Variants in BRD9 observed in about 807,000 individuals in gnomAD.
The protein encoded by BRD9 is bromodomain containing 9, also known as bromodomain-containing protein 9.
In BRD9, 47 loss-of-function variants were observed where a neutral mutation model predicts 68.7. That is an observed-to-expected ratio of 0.68 (90% CI 0.54 to 0.87). The LOEUF (loss-of-function observed/expected upper bound fraction) is 0.87. Among genes scored for constraint, BRD9 ranks in the 40% least tolerant of loss-of-function variants. The probability of loss-of-function intolerance (pLI) is 0.00; values close to 1 mark genes in which losing one functional copy is unlikely to be tolerated. For synonymous variants in BRD9, 313 were observed against 293.9 expected, an observed-to-expected ratio of 1.06 and a Z score of -0.67; for missense variants, 670 against 748.4, an observed-to-expected ratio of 0.90 and a Z score of 1.22.
intron 1 of BRD9, chr5:892,205 C>G: frequency 2.3e-6 from 1 of 432,786 alleles, no homozygotes; most frequent in Non-Finnish European, 4.1e-6. Flanking sequence ...TTCACCCTCG[C>G]CTGACTTCCT....
intron 14 of BRD9, among the ~76,000 whole-genome samples, chr5:867,684 G>T (rs1236754580): frequency 6.6e-5 from 10 of 152,262 alleles, no homozygotes; most frequent in African/African-American, 2.4e-4. Context: ...GTAGCCTGCT[G>T]CCCCTTTGTT....
chr5:875,088 TAAAG>T (rs1560902605), intron 12 of BRD9, among the ~76,000 whole-genome samples: 1 of 152,140 alleles, frequency 6.6e-6, no homozygotes, highest in Non-Finnish European at 1.5e-5. Context: ...AAATCACTGA[TAAAG>T]AAAGATAAAA....
chr5:878,478 A>C lies in BRD9; in HGVS notation c.1148T>G (p.Leu383Arg). The part of the protein sequence containing the change: ...KDERRNKVTF[L>R]SSATTALSMQ... ...CGAAAGCGCAGTAGTGGCACTGGAG[A>C]GAAAGGTGACTGGGAGGAAGAGGAG... is the stretch of plus-strand genomic sequence containing the variant. The change falls in exon 11 of 16, where the codon CTC (leucine) becomes CGC (arginine). Residue 383 changes from leucine (L) to arginine (R), a missense_variant. By Grantham distance (102) the Leu-to-Arg change is moderately radical. Around this residue, in one of 5 missense-constraint regions of BRD9, gnomAD observed 280 missense variants for 281.5 expected, o/e 0.99. Coordinates refer to ENST00000467963, the MANE Select transcript of BRD9 (RefSeq NM_023924.5). The C allele has an allele frequency of 6.2e-7, 1 of 1,614,190 alleles. No homozygotes were observed. Among genetic ancestry groups the C allele is most frequent in the Non-Finnish European group, 8.5e-7 (1 of 1,180,052 alleles).
At chr5:869,252 T>A (rs1749793272) in intron 14 of BRD9, 2 of 453,730 alleles carry the variant, frequency 4.4e-6, no homozygotes, top group African/African-American at 4.0e-5. Context: ...TGCCTCATTA[T>A]CCCCTCTTTT....
chr5:892,334 A>C, intron 1 of BRD9: 1 of 701,256 alleles, frequency 1.4e-6, no homozygotes. Context: ...AAAAGCCAGC[A>C]CAGATGCTTC....
chr5:884,045 C>T lies in BRD9; in HGVS notation c.859G>A (p.Ala287Thr). The stretch of plus-strand genomic sequence containing the variant: ...GCGGTACTGTCCGTCAAGCTGCAGG[C>T]ATTCCCTTCAGGCTCAAACATGCAG... Reference protein sequence around the residue: ...ISCMFEPEGNACSLTDSTAEE... With the variant: ...ISCMFEPEGNTCSLTDSTAEE... The change falls in exon 8 of 16, where the codon GCC (alanine) becomes ACC (threonine). Residue 287 changes from alanine (A) to threonine (T), a missense_variant. Transcript: ENST00000467963. The T allele has an allele frequency of 5.0e-6, 8 of 1,613,760 alleles. No individual in the cohort carries two copies. Among genetic ancestry groups the T allele is most frequent in the Non-Finnish European group, 6.8e-6 (8 of 1,180,036 alleles).
intron 5 of BRD9, 22 bp from the exon 6 acceptor site, chr5:887,493 C>G: frequency 6.3e-7 from 1 of 1,584,582 alleles, no homozygotes. Flanking sequence ...ACAGGAAAGA[C>G]TTATCAGGTT....
Position 892,643 on chromosome 5 carries a change from G to A in BRD9, c.15C>T (p.His5=). The A allele has an allele frequency of 6.7e-7, 1 of 1,487,528 alleles. No individual in the cohort carries two copies. Among genetic ancestry groups the A allele is most frequent in the South Asian group, 1.3e-5 (1 of 77,922 alleles). The allele number at this position is 1,487,528 out of a possible 1,614,324, so 92.1% of individuals were successfully genotyped here. Residue 5 remains histidine (H), a synonymous_variant, in exon 1 of 16, where the codon CAC becomes CAT. Transcript: ENST00000467963. ...AGCGCCACTCGGCCTTGTGCTTCTT[G>A]TGCTTCTTGCCCATGGCGGCGCCGG... is the stretch of plus-strand genomic sequence containing the variant. MGKK[H]KKHKAEWRSS...
intron 3 of BRD9, 151 bp downstream of exon 3, chr5:891,004 T>A (rs1322805057): frequency 1.0e-6 from 1 of 984,280 alleles, no homozygotes; most frequent in African/African-American, 1.7e-5. Flanking sequence ...GGAGGAAACC[T>A]CAGGCCAGAG....
rs982081798 is a variant in BRD9, at chr5:892,659, GCGGCGC to G, written c.-8_-3del. 2.5e-5 allele frequency: 35 copies of G among 1,418,076 alleles called. No individual in the cohort carries two copies. In the African/African-American group the frequency reaches 4.5e-4, roughly 18 times the overall value. 87.8% of individuals were successfully genotyped at this position (1,418,076 alleles called of 1,614,324 possible). On this transcript the variant is annotated 5_prime_UTR_variant, in exon 1 of 16. Transcript: ENST00000467963. The stretch of plus-strand genomic sequence containing the variant: ...GTGCTTCTTGTGCTTCTTGCCCATG[GCGGCGC>G]CGGCGGCGGGCCCGAGGCGGGGGCT...
At chr5:875,378 G>A (rs1421252929) in intron 12 of BRD9, among the ~76,000 whole-genome samples, 1 of 150,206 alleles carries the variant, frequency 6.7e-6, no homozygotes, top group Non-Finnish European at 1.5e-5. Context: ...GATGGGGTCT[G>A]GCTCTGTGGC....
intron 11 of BRD9, among the ~76,000 whole-genome samples, chr5:877,242 C>T (rs1751087805): frequency 6.6e-6 from 1 of 152,212 alleles, no homozygotes; most frequent in Admixed American, 6.5e-5. Context: ...GAGCCACGGC[C>T]TTGGCCCAGG....
At chr5:880,923 C>T (rs1003014827) in intron 9 of BRD9, among the ~76,000 whole-genome samples, 184 bp downstream of exon 9, 9 of 152,246 alleles carry the variant, frequency 5.9e-5, no homozygotes, top group Non-Finnish European at 1.2e-4. Context: ...CCCCGCCCCG[C>T]GAGATGGCCG....
At chr5:871,851 T>C (rs1750183346) in intron 12 of BRD9, among the ~76,000 whole-genome samples, 1 of 152,228 alleles carries the variant, frequency 6.6e-6, no homozygotes, top group Admixed American at 6.5e-5. Flanking sequence ...CGATGCTGTT[T>C]CGGCAGCCTT....
intron 14 of BRD9, among the ~76,000 whole-genome samples, chr5:867,980 C>T (rs2150552426): frequency 6.6e-6 from 1 of 152,246 alleles, no homozygotes; most frequent in South Asian, 2.1e-4. Context: ...TGTATTCCTG[C>T]CCAAATCTCA....
intron 12 of BRD9, among the ~76,000 whole-genome samples, chr5:874,554 A>G (rs894454205): frequency 7.9e-5 from 12 of 152,240 alleles, no homozygotes; most frequent in Non-Finnish European, 1.8e-4. Flanking sequence ...AATGGCCCAC[A>G]GCTCCAAGTG....
intron 7 of BRD9, among the ~76,000 whole-genome samples, chr5:884,398 C>T (rs1400300037): frequency 6.6e-6 from 1 of 152,226 alleles, no homozygotes; most frequent in Admixed American, 6.5e-5. Context: ...TTAAAGGCCC[C>T]ATCAGAAAAG....
Position 886,641 on chromosome 5 carries a change from G to C in BRD9, c.784C>G (p.Gln262Glu). The C allele has an allele frequency of 6.2e-7, 1 of 1,614,122 alleles. No homozygotes were observed. The highest frequency in any genetic ancestry group is 8.5e-7 in the Non-Finnish European group (1 of 1,179,994). ...TTGGATTTCTTGGCAGTTTCTACTTGTACTGGTACAACTTCAGGGACAGGT... is the reference window on the plus strand; with the variant it reads ...TTGGATTTCTTGGCAGTTTCTACTTCTACTGGTACAACTTCAGGGACAGGT... ...EEPVPEVVPV[Q>E]VETAKKSKKP... Residue 262 changes from glutamine (Q) to glutamate (E), a missense_variant, in exon 7 of 16, where the codon CAA becomes GAA. Physicochemically the swap from Gln to Glu is conservative, Grantham distance 29. This residue lies in a region of BRD9 where 135 missense variants were observed against 141.2 expected (regional missense o/e 0.96). Transcript: ENST00000467963.
rs555165535 is a variant in BRD9, at chr5:892,501, GCCAGGACCTCGCCCGGTGC to G, written c.52+86_52+104del. The G allele has an allele frequency of 1.7e-4, 257 of 1,476,674 alleles. 1 individual carries two copies. The East Asian group carries it at 5.8e-3, about 33-fold the overall frequency. The allele number at this position is 1,476,674 out of a possible 1,614,324, so 91.5% of individuals were successfully genotyped here. A position where few individuals can be genotyped will look rare whatever the true frequency, so the allele number is the denominator to read the frequency against. On this transcript the variant is annotated intron_variant, in intron 1 of 15. Coordinates refer to ENST00000467963, the MANE Select transcript of BRD9 (RefSeq NM_023924.5). The stretch of plus-strand genomic sequence containing the variant: ...GCGTGCCCAGAACCCCTCCCTCGTG[GCCAGGACCTCGCCCGGTGC>G]CCAGGACCCCCGTCCGCGTGCCCGG...
Sources: gnomAD v4.1 joint callset for allele counts (sites outside exome capture counted in the v4.1 genomes callset) on GRCh38, gnomAD v4.1.1 for gene constraint, gnomAD v4.1.1 regional missense constraint, MANE v1.5 for transcripts, NCBI Gene and HGNC (gene_info 2026-07-23, HGNC 2026-07-21) for gene names.